The following OSBPL3 variants were observed in gnomAD, a reference collection of about 807,000 sequenced individuals.
OSBPL3 encodes oxysterol binding protein like 3, also known as oxysterol-binding protein-related protein 3.
A neutral mutation model predicts 120.1 loss-of-function variants in OSBPL3; 65 were observed. That is an observed-to-expected ratio of 0.54 (90% CI 0.44 to 0.67). The LOEUF (loss-of-function observed/expected upper bound fraction) is 0.67. OSBPL3 is among the 30% of genes least tolerant of loss of function. The pLI, the probability that OSBPL3 is intolerant of heterozygous loss-of-function variation, is 0.00. For synonymous variants in OSBPL3, 416 were observed against 402.6 expected (o/e 1.03, Z -0.40); for missense variants, 1,004 against 1,082.1 (o/e 0.93, Z 1.01).
chr7:24,902,677 C>T (rs1199846053), intron 1 of OSBPL3, among the ~76,000 whole-genome samples: 3 of 146,778 alleles, frequency 2.0e-5, no homozygotes, highest in Non-Finnish European at 4.5e-5. Flanking sequence ...AATGTCTCTT[C>T]TATGGTCATT....
At chr7:24,969,456 C>A (rs1361326289) in intron 1 of OSBPL3, among the ~76,000 whole-genome samples, 1 of 152,032 alleles carries the variant, frequency 6.6e-6, no homozygotes, top group Non-Finnish European at 1.5e-5. Flanking sequence ...AAAATTGACC[C>A]CGCAAAAATG....
chr7:24,826,624 G>A lies in OSBPL3; in HGVS notation c.1884+4144C>T, dbSNP rs1033858371. ...GGCACCGGGAAGCTCAAATCCTCTA[G>A]GCCTTGGTTTTCTCGCCTGTAACTG... On this transcript the variant is annotated intron_variant, in intron 16 of 22. Transcript: ENST00000313367. Among the ~76,000 whole-genome samples, 28 of 152,130 alleles carry A rather than the reference G, an allele frequency of 1.8e-4. 1 individual carries two copies. Among genetic ancestry groups the A allele is most frequent in the African/African-American group, 6.0e-4 (25 of 41,428 alleles).
Position 24,799,582 on chromosome 7 carries a change from A to G in OSBPL3, c.*601T>C, listed in dbSNP as rs1792062919. The G allele has an allele frequency of 6.6e-6, 1 of 152,298 alleles. No homozygotes were observed. The highest frequency in any genetic ancestry group is 2.1e-4 in the South Asian group (1 of 4,836). 9.4% of individuals were successfully genotyped at this position (152,298 alleles called of 1,614,324 possible). On this transcript the variant is annotated 3_prime_UTR_variant, in exon 23 of 23. Transcript: ENST00000313367. The surrounding 1 kb of genome is among the most constrained non-coding windows in gnomAD (Gnocchi z 5.3). ...TGCTTCCTTTTCAAGAAGGTGCCGTATACGTCTTATATAAAAATATACATT... is the reference window on the plus strand; with the variant it reads ...TGCTTCCTTTTCAAGAAGGTGCCGTGTACGTCTTATATAAAAATATACATT...
At position 24,835,475 on chromosome 7, in the gene OSBPL3, T is replaced by C. The variant is rs1476512774; in HGVS notation, c.1496-739A>G. On this transcript the variant is annotated intron_variant, in intron 14 of 22. Coordinates refer to ENST00000313367, the MANE Select transcript of OSBPL3 (RefSeq NM_015550.4). This position sits in a 1 kb window ranked among gnomAD's most constrained non-coding sequence, Gnocchi z 4.8. ...TTATACACTACTGGCGGGAATGTAA[T>C]TAGCTCAGCCATTGTGGAAAGCAGT... Among the ~76,000 whole-genome samples the C allele has an allele frequency of 6.6e-6, 1 of 152,104 alleles. No homozygotes were observed. The highest frequency in any genetic ancestry group is 1.5e-5 in the Non-Finnish European group (1 of 68,012).
rs1387294414 is a variant in OSBPL3, at chr7:24,820,363, T to TA, written c.1885-126dup. ...TGCTGAACTGAAGGAAAAACTTCTT[T>TA]AGTTTCCCTCATCAAGTGTGTCCTC... On this transcript the variant is annotated intron_variant, in intron 16 of 22. Coordinates refer to ENST00000313367, the MANE Select transcript of OSBPL3 (RefSeq NM_015550.4). This position sits in a 1 kb window ranked among gnomAD's most constrained non-coding sequence, Gnocchi z 4.6. 3.0e-6 allele frequency: 2 copies of TA among 661,444 alleles called. No individual in the cohort carries two copies. Among genetic ancestry groups the TA allele is most frequent in the Non-Finnish European group, 5.4e-6 (2 of 372,900 alleles). 41.0% of individuals were successfully genotyped at this position (661,444 alleles called of 1,614,324 possible).
At chr7:24,810,971 T>C (rs1352175914) in intron 19 of OSBPL3, among the ~76,000 whole-genome samples, 2 of 152,240 alleles carry the variant, frequency 1.3e-5, no homozygotes, top group East Asian at 1.9e-4. Context: ...CCATTATGAA[T>C]AGTGCTGCAA....
intron 5 of OSBPL3, among the ~76,000 whole-genome samples, chr7:24,868,994 C>T (rs2128277452): frequency 6.6e-6 from 1 of 152,310 alleles, no homozygotes; most frequent in South Asian, 2.1e-4. Context: ...AATCTCTCTG[C>T]TACTCAGGAT....
intron 1 of OSBPL3, among the ~76,000 whole-genome samples, chr7:24,943,532 T>C (rs1304820916): frequency 1.3e-5 from 2 of 152,236 alleles, no homozygotes; most frequent in Non-Finnish European, 2.9e-5. Flanking sequence ...GATATTTTAA[T>C]GACTGAAATA....
rs73691275 is a variant in OSBPL3 at position 24,946,041 on chromosome 7, G to C, written c.-150+33845C>G. ...GGCAATCAGATGCCAGGTGGGGCTGGAGCTAGGTGGGGCTAGAGTCATCTG... is the reference window on the plus strand; with the variant it reads ...GGCAATCAGATGCCAGGTGGGGCTGCAGCTAGGTGGGGCTAGAGTCATCTG... On this transcript the variant is annotated intron_variant, in intron 1 of 22. Transcript: ENST00000313367. The surrounding 1 kb of genome is among the most constrained non-coding windows in gnomAD (Gnocchi z 4.3). Among the ~76,000 whole-genome samples, 751 of 152,272 alleles carry C rather than the reference G, an allele frequency of 4.9e-3. 4 individuals carry two copies. Among genetic ancestry groups the C allele is most frequent in the African/African-American group, 0.015 (644 of 41,554 alleles).
intron 1 of OSBPL3, among the ~76,000 whole-genome samples, chr7:24,963,226 G>C: frequency 6.6e-6 from 1 of 152,276 alleles, no homozygotes; most frequent in African/African-American, 2.4e-5. Flanking sequence ...TTTGCTGCTT[G>C]AATTCACTTC....
chr7:24,952,344 T>C lies in OSBPL3; in HGVS notation c.-150+27542A>G, dbSNP rs931225771. Among the ~76,000 whole-genome samples the C allele has an allele frequency of 3.3e-5, 5 of 152,318 alleles. No individual in the cohort carries two copies. The South Asian group carries it at 6.2e-4, about 19-fold the overall frequency. On this transcript the variant is annotated intron_variant, in intron 1 of 22. Coordinates refer to ENST00000313367, the MANE Select transcript of OSBPL3 (RefSeq NM_015550.4). This position sits in a 1 kb window ranked among gnomAD's most constrained non-coding sequence, Gnocchi z 4.4. ...ACAGAGAAACTGAGGCCCACAAGGC[T>C]CAAGTTTTGCCCAATGTCATGTAAT...
Position 24,835,835 on chromosome 7 carries a change from C to T in OSBPL3, c.1496-1099G>A, listed in dbSNP as rs1301043546. 6.6e-6 allele frequency among the ~76,000 whole-genome samples: 1 copy of T among 152,058 alleles called. No homozygotes were observed. Among genetic ancestry groups the T allele is most frequent in the East Asian group, 1.9e-4 (1 of 5,194 alleles). Reference sequence around the variant, plus strand: ...GAAGAGAAAACCAAATGCATGTTCTCACTTGTAAAGGGGTACTAAACGTTA... The same window carrying T: ...GAAGAGAAAACCAAATGCATGTTCTTACTTGTAAAGGGGTACTAAACGTTA... On this transcript the variant is annotated intron_variant, in intron 14 of 22. Coordinates refer to ENST00000313367, the MANE Select transcript of OSBPL3 (RefSeq NM_015550.4). This position sits in a 1 kb window ranked among gnomAD's most constrained non-coding sequence, Gnocchi z 4.8.
chr7:24,834,318 A>T lies in OSBPL3; in HGVS notation c.1746+168T>A, dbSNP rs555365441. 1.6e-5 allele frequency: 24 copies of T among 1,459,874 alleles called. No homozygotes were observed. In the South Asian group the frequency reaches 3.2e-4, roughly 20 times the overall value. The allele number at this position is 1,459,874 out of a possible 1,614,324, so 90.4% of individuals were successfully genotyped here. A position where few individuals can be genotyped will look rare whatever the true frequency, so the allele number is the denominator to read the frequency against. The stretch of plus-strand genomic sequence containing the variant: ...CTCCAAATCCTCACAAGGTGACTGG[A>T]AACAGCCAGGCGGAGGAAGCCAGAC... On this transcript the variant is annotated intron_variant, in intron 15 of 22. Transcript: ENST00000313367. The surrounding 1 kb of genome is among the most constrained non-coding windows in gnomAD (Gnocchi z 5.2).
chr7:24,933,906 G>C lies in OSBPL3; in HGVS notation c.-149-41285C>G, dbSNP rs1214063598. Among the ~76,000 whole-genome samples the C allele has an allele frequency of 1.3e-5, 2 of 152,174 alleles. No individual in the cohort carries two copies. Among genetic ancestry groups the C allele is most frequent in the Admixed American group, 6.5e-5 (1 of 15,288 alleles). On this transcript the variant is annotated intron_variant, in intron 1 of 22. Coordinates refer to ENST00000313367, the MANE Select transcript of OSBPL3 (RefSeq NM_015550.4). The surrounding 1 kb of genome is among the most constrained non-coding windows in gnomAD (Gnocchi z 5.1). Reference sequence around the variant, plus strand: ...AATAGAGTAAAACAACAAATACTAAGATTTGTTGGCATTAAATCAGTTTAG... The same window carrying C: ...AATAGAGTAAAACAACAAATACTAACATTTGTTGGCATTAAATCAGTTTAG...
rs1816506444 is a variant in OSBPL3 at position 24,967,360 on chromosome 7, ACTCCC to A, written c.-150+12521_-150+12525del. Among the ~76,000 whole-genome samples the A allele has an allele frequency of 6.6e-6, 1 of 151,288 alleles. No individual in the cohort carries two copies. Among genetic ancestry groups the A allele is most frequent in the Admixed American group, 6.6e-5 (1 of 15,194 alleles). On this transcript the variant is annotated intron_variant, in intron 1 of 22. Transcript: ENST00000313367. The surrounding 1 kb of genome is among the most constrained non-coding windows in gnomAD (Gnocchi z 5.6). Reference sequence around the variant, plus strand: ...AACACTGTTTTCACCTTTGCTCATCACTCCCCTCTACCTGAAATGTCCTTCTCTCC... The same window carrying A: ...AACACTGTTTTCACCTTTGCTCATCACTCTACCTGAAATGTCCTTCTCTCC...
At position 24,922,676 on chromosome 7, in the gene OSBPL3, A is replaced by G. The variant is rs1810542312; in HGVS notation, c.-149-30055T>C. Among the ~76,000 whole-genome samples, 1 of 152,014 alleles carries G rather than the reference A, an allele frequency of 6.6e-6. No individual in the cohort carries two copies. The highest frequency in any genetic ancestry group is 2.4e-5 in the African/African-American group (1 of 41,364). ...ACCTGCCAGCTCTGCCCTGGTCCTC[A>G]GTCTGACCTCATTCTAGCCTGACCA... On this transcript the variant is annotated intron_variant, in intron 1 of 22. Coordinates refer to ENST00000313367, the MANE Select transcript of OSBPL3 (RefSeq NM_015550.4). This position sits in a 1 kb window ranked among gnomAD's most constrained non-coding sequence, Gnocchi z 4.3.
At chr7:24,865,618 C>T (rs149626022) in intron 6 of OSBPL3, among the ~76,000 whole-genome samples, 153 bp from the exon 7 acceptor site, 1 of 152,354 alleles carries the variant, frequency 6.6e-6, no homozygotes, top group East Asian at 1.9e-4. Context: ...AGACCTCTGG[C>T]TATCACCCCG....
chr7:24,928,128 T>C (rs1394876232), intron 1 of OSBPL3, among the ~76,000 whole-genome samples: 1 of 152,036 alleles, frequency 6.6e-6, no homozygotes, highest in Non-Finnish European at 1.5e-5. Context: ...GTAAGTTTCC[T>C]GAGGCCTCCC....
Position 24,900,871 on chromosome 7 carries a change from A to G in OSBPL3, c.-149-8250T>C, listed in dbSNP as rs1199596539. Among the ~76,000 whole-genome samples the G allele has an allele frequency of 6.6e-6, 1 of 152,110 alleles. No homozygotes were observed. The highest frequency in any genetic ancestry group is 1.5e-5 in the Non-Finnish European group (1 of 68,004). On this transcript the variant is annotated intron_variant, in intron 1 of 22. Coordinates refer to ENST00000313367, the MANE Select transcript of OSBPL3 (RefSeq NM_015550.4). This position sits in a 1 kb window ranked among gnomAD's most constrained non-coding sequence, Gnocchi z 4.5. ...CCATTGGCACGAACCTAATACAAAA[A>G]TTAGCTAGGCGTGCTAGTGCACACC...
Sources: gnomAD v4.1 joint callset for allele counts (sites outside exome capture counted in the v4.1 genomes callset) on GRCh38, gnomAD v4.1.1 for gene constraint, Gnocchi (gnomAD v3.1) non-coding constraint, MANE v1.5 for transcripts, NCBI Gene and HGNC (gene_info 2026-07-23, HGNC 2026-07-21) for gene names.